Variants in TAS1R1 observed in about 807,000 individuals in gnomAD.
The protein encoded by TAS1R1 is taste 1 receptor member 1.
Under a neutral mutation model 45.8 loss-of-function variants are expected in TAS1R1, and 31 were observed. The ratio of observed to expected loss-of-function variants is 0.68; its 90% CI spans 0.51 to 0.91. The LOEUF is 0.91. Among genes scored for constraint, TAS1R1 ranks in the 40% least tolerant of loss-of-function variants. The probability of loss-of-function intolerance (pLI) is 0.00; values close to 1 mark genes in which losing one functional copy is unlikely to be tolerated. For synonymous variants in TAS1R1, 437 were observed against 448.4 expected (o/e 0.97, Z 0.32); for missense variants, 1,051 against 1,063.9 (o/e 0.99, Z 0.17).
Position 6,578,767 on chromosome 1 carries a change from T to C in TAS1R1, c.1709T>C (p.Leu570Pro), listed in dbSNP as rs750574349. ...TTGCGTGAGCACACCTCTTGGGTGC[T>C]GCTGGCAGCTAACACGCTGCTGCTG... is the stretch of plus-strand genomic sequence containing the variant. ...LALREHTSWV[L>P]LAANTLLLLL... The change falls in exon 6 of 6, where the codon CTG becomes CCG. Residue 570 changes from leucine to proline, a missense_variant. Physicochemically the swap from Leu to Pro is moderately conservative, Grantham distance 98 (BLOSUM62 -3). Transcript: ENST00000333172. The C allele has an allele frequency of 6.2e-7, 1 of 1,613,212 alleles. No individual in the cohort carries two copies. The highest frequency in any genetic ancestry group is 1.1e-5 in the South Asian group (1 of 90,164).
chr1:6,576,684 G>C, intron 4 of TAS1R1, 57 bp downstream of exon 4: 1 of 1,587,110 alleles, frequency 6.3e-7, no homozygotes, highest in South Asian at 1.1e-5. Context: ...CTAGAGCCTG[G>C]GGGTGATGCT....
At position 6,579,184 on chromosome 1, in the gene TAS1R1, A is replaced by T. The variant is rs1430531243; in HGVS notation, c.2126A>T (p.Tyr709Phe). Residue 709 changes from tyrosine to phenylalanine, a missense_variant, in exon 6 of 6, where the codon TAC (tyrosine) becomes TTC (phenylalanine). Tyr to Phe is a conservative substitution (Grantham distance 22). Transcript: ENST00000333172. Reference sequence around the variant, plus strand: ...TGGACCCCACTGCCTGCTAGGGAATACCAGCGCTTCCCCCATCTGGTGATG... The same window carrying T: ...TGGACCCCACTGCCTGCTAGGGAATTCCAGCGCTTCCCCCATCTGGTGATG... ...VVWTPLPAREYQRFPHLVMLE... is the reference protein window; with the variant it reads ...VVWTPLPAREFQRFPHLVMLE... 31 of 1,614,060 alleles carry T rather than the reference A, an allele frequency of 1.9e-5. No homozygotes were observed. The highest frequency in any genetic ancestry group is 2.5e-5 in the Non-Finnish European group (30 of 1,180,050).
chr1:6,577,930 T>C (rs1159130301), intron 5 of TAS1R1, among the ~76,000 whole-genome samples: 1 of 152,210 alleles, frequency 6.6e-6, no homozygotes, highest in Non-Finnish European at 1.5e-5. Flanking sequence ...AAAGCAGTCG[T>C]ATCCTGAATT....
At chr1:6,558,564 A>T (rs1029907973) in intron 1 of TAS1R1, among the ~76,000 whole-genome samples, 1 of 152,114 alleles carries the variant, frequency 6.6e-6, no homozygotes, top group South Asian at 2.1e-4. Context: ...TACTAAAAAT[A>T]CAAAAATTAG....
At chr1:6,560,986 CA>C (rs35928406) in intron 1 of TAS1R1, among the ~76,000 whole-genome samples, 5 of 92,978 alleles carry the variant, frequency 5.4e-5, no homozygotes, top group Non-Finnish European at 7.7e-5. Context: ...GACTCTGTCT[CA>C]AAAAAAAAAA....
At chr1:6,559,526 G>T (rs910321414) in intron 1 of TAS1R1, among the ~76,000 whole-genome samples, 11 of 151,818 alleles carry the variant, frequency 7.2e-5, no homozygotes, top group African/African-American at 2.7e-4. Flanking sequence ...GGGCGTGGTG[G>T]TAGGCGCCTG....
rs147651859 is a variant in TAS1R1 at position 6,579,351 on chromosome 1, A to T, written c.2293A>T (p.Ser765Cys). 6.2e-7 allele frequency: 1 copy of T among 1,614,072 alleles called. No individual in the cohort carries two copies. The highest frequency in any genetic ancestry group is 2.2e-5 in the East Asian group (1 of 44,888). The change falls in exon 6 of 6, where the codon AGC becomes TGC. Residue 765 changes from serine (S) to cysteine (C), a missense_variant. Ser to Cys is a moderately radical substitution (Grantham distance 112). Transcript: ENST00000333172. ...CAACGAGGCCAAATGTGTCACCTTC[A>T]GCCTGCTCTTCAACTTCGTGTCCTG... ...NYNEAKCVTF[S>C]LLFNFVSWIA...
At chr1:6,570,418 T>C (rs1451614942) in intron 1 of TAS1R1, among the ~76,000 whole-genome samples, 3 of 145,554 alleles carry the variant, frequency 2.1e-5, no homozygotes, top group Non-Finnish European at 4.5e-5. Context: ...GGAGGGCCTT[T>C]GCTGGGTTGG....
chr1:6,561,213 G>A (rs1639782314), intron 1 of TAS1R1, among the ~76,000 whole-genome samples: 1 of 152,142 alleles, frequency 6.6e-6, no homozygotes, highest in Non-Finnish European at 1.5e-5. Context: ...GTGCCTAGGG[G>A]TTACAAAACT....
intron 1 of TAS1R1, among the ~76,000 whole-genome samples, chr1:6,564,933 C>T (rs938615053): frequency 1.3e-5 from 2 of 151,506 alleles, no homozygotes; most frequent in African/African-American, 4.9e-5. Flanking sequence ...AGCGGAGCGC[C>T]GCTTGGGAGG....
intron 1 of TAS1R1, 53 bp from the exon 2 acceptor site, chr1:6,570,856 G>A (rs1255008742): frequency 2.0e-6 from 3 of 1,504,528 alleles, no homozygotes; most frequent in African/African-American, 1.4e-5. Context: ...AGGCCAGAGG[G>A]TCTCAGCAGG....
rs752306374 is a variant in TAS1R1, at chr1:6,576,644, T to C, written c.1473+17T>C. On this transcript the variant is annotated intron_variant, in intron 4 of 5. Transcript: ENST00000333172. ...GACAACCAGGTAATGGGGATGTGGC[T>C]ACTCACCATGTAACTGGCTTATGGG... 3 of 1,610,070 alleles carry C rather than the reference T, an allele frequency of 1.9e-6. No homozygotes were observed. Among genetic ancestry groups the C allele is most frequent in the Non-Finnish European group, 2.5e-6 (3 of 1,177,522 alleles).
Position 6,575,135 on chromosome 1 carries a change from A to T in TAS1R1, c.1003A>T (p.Lys335Ter). The change falls in exon 3 of 6, where the codon AAG (lysine) becomes TAG (stop). Residue 335 changes from lysine (K) to a stop codon, truncating the protein, a stop_gained. Coordinates refer to ENST00000333172, the MANE Select transcript of TAS1R1 (RefSeq NM_138697.4). LOFTEE classifies it high-confidence loss of function. ...AIQKRAVPGL[K>*]AFEEAYARAD... is the part of the protein sequence containing the mutation. ...CCAGAAGAGGGCTGTCCCTGGCCTG[A>T]AGGCGTTTGAAGAAGCCTATGCCCG... 2 of 1,583,562 alleles carry T rather than the reference A, an allele frequency of 1.3e-6. No homozygotes were observed. Among genetic ancestry groups the T allele is most frequent in the Non-Finnish European group, 1.7e-6 (2 of 1,166,648 alleles).
At chr1:6,557,208 A>T (rs1160190402) in intron 1 of TAS1R1, among the ~76,000 whole-genome samples, 1 of 151,630 alleles carries the variant, frequency 6.6e-6, no homozygotes, top group Admixed American at 6.6e-5. Flanking sequence ...AGAAACCTGG[A>T]TAAAGAGATA....
At position 6,575,042 on chromosome 1, in the gene TAS1R1, GC is replaced by G; in HGVS notation, c.913del (p.Leu305SerfsTer30). ...GGTGTGGGTCGCCTCAGAAGCCTGGGCCCTCTCCAGGCACATCACTGGGGTG... is the reference window on the plus strand; with the variant it reads ...GGTGTGGGTCGCCTCAGAAGCCTGGGCCTCTCCAGGCACATCACTGGGGTG... ...GKVWVASEAW[A>X]LSRHITGVPG... On this transcript the variant is annotated frameshift_variant, in exon 3 of 6. Coordinates refer to ENST00000333172, the MANE Select transcript of TAS1R1 (RefSeq NM_138697.4). LOFTEE classifies it high-confidence loss of function. 6.3e-7 allele frequency: 1 copy of G among 1,586,254 alleles called. No homozygotes were observed. Among genetic ancestry groups the G allele is most frequent in the Non-Finnish European group, 8.6e-7 (1 of 1,164,718 alleles).
chr1:6,566,329 A>G (rs1639871113), intron 1 of TAS1R1, among the ~76,000 whole-genome samples: 1 of 152,104 alleles, frequency 6.6e-6, no homozygotes, highest in Non-Finnish European at 1.5e-5. Flanking sequence ...TTTTAGGTCA[A>G]TAGCAGTGTA....
intron 1 of TAS1R1, among the ~76,000 whole-genome samples, chr1:6,557,128 C>T (rs573755308): frequency 4.0e-5 from 6 of 150,742 alleles, no homozygotes; most frequent in South Asian, 4.2e-4. Flanking sequence ...ATGAAGCACA[C>T]GAGATGGTTG....
chr1:6,560,615 G>C (rs1450349102), intron 1 of TAS1R1, among the ~76,000 whole-genome samples: 2 of 152,208 alleles, frequency 1.3e-5, no homozygotes, highest in Non-Finnish European at 2.9e-5. Flanking sequence ...TGCCGGGTTG[G>C]GTCCCTAACA....
At position 6,578,958 on chromosome 1, in the gene TAS1R1, C is replaced by T. The variant is rs370542535; in HGVS notation, c.1900C>T (p.Arg634Cys). Residue 634 changes from arginine (R) to cysteine (C), a missense_variant, in exon 6 of 6, where the codon CGC (arginine) becomes TGC (cysteine). Arg to Cys is a radical substitution (Grantham distance 180). Coordinates refer to ENST00000333172, the MANE Select transcript of TAS1R1 (RefSeq NM_138697.4). Reference protein sequence around the residue: ...GEPTRPACLLRQALFALGFTI... With the variant: ...GEPTRPACLLCQALFALGFTI... Reference sequence around the variant, plus strand: ...ACCCACAAGGCCTGCGTGCTTGCTACGCCAGGCCCTCTTTGCCCTTGGTTT... The same window carrying T: ...ACCCACAAGGCCTGCGTGCTTGCTATGCCAGGCCCTCTTTGCCCTTGGTTT... 6.8e-6 allele frequency: 11 copies of T among 1,614,016 alleles called. No individual in the cohort carries two copies. The highest frequency in any genetic ancestry group is 2.2e-5 in the South Asian group (2 of 91,064).
Sources: gnomAD v4.1 joint callset for allele counts (sites outside exome capture counted in the v4.1 genomes callset) on GRCh38, gnomAD v4.1.1 for gene constraint, MANE v1.5 for transcripts, NCBI Gene and HGNC (gene_info 2026-07-23, HGNC 2026-07-21) for gene names.